ANKS1B: variants seen among roughly 807,000 people sequenced by gnomAD.
ANKS1B encodes the protein ankyrin repeat and sterile alpha motif domain containing 1B.
A neutral mutation model predicts 148.3 loss-of-function variants in ANKS1B; 36 were observed. That is an observed-to-expected ratio of 0.24 (90% CI 0.19 to 0.32). The LOEUF is 0.32. ANKS1B is among the 10% of genes least tolerant of loss of function. The probability of loss-of-function intolerance (pLI) is 1.00; values close to 1 mark genes in which losing one functional copy is unlikely to be tolerated. For missense variants in ANKS1B, 1,157 were observed against 1,542.6 expected, an observed-to-expected ratio of 0.75 and a Z score of 4.19; for synonymous variants, 542 against 560.8, an observed-to-expected ratio of 0.97 and a Z score of 0.47.
At chr12:99,024,578 T>C (rs925675528) in intron 17 of ANKS1B, among the ~76,000 whole-genome samples, 13 of 152,358 alleles carry the variant, frequency 8.5e-5, no homozygotes, top group African/African-American at 2.9e-4. Context: ...ATATTTTGCA[T>C]CTTTTGCTGA....
At chr12:99,645,293 C>T (rs1038366601) in intron 9 of ANKS1B, among the ~76,000 whole-genome samples, 36 of 152,100 alleles carry the variant, frequency 2.4e-4, no homozygotes, top group African/African-American at 5.1e-4. Flanking sequence ...TTTGGGAAGA[C>T]GAAATTTAGC....
chr12:99,855,332 A>G (rs1276915456), intron 1 of ANKS1B, among the ~76,000 whole-genome samples: 2 of 152,164 alleles, frequency 1.3e-5, no homozygotes, highest in African/African-American at 4.8e-5. Flanking sequence ...TTATATATTG[A>G]TAAAAGAACT....
intron 17 of ANKS1B, among the ~76,000 whole-genome samples, chr12:98,962,214 A>G (rs2099872615): frequency 6.6e-6 from 1 of 151,782 alleles, no homozygotes; most frequent in Non-Finnish European, 1.5e-5. Flanking sequence ...AGACACACAT[A>G]GACTGAAAAT....
At chr12:99,327,045 A>G (rs895076117) in intron 12 of ANKS1B, among the ~76,000 whole-genome samples, 14 of 136,460 alleles carry the variant, frequency 1.0e-4, no homozygotes, top group Non-Finnish European at 1.7e-4. Flanking sequence ...ATATATTTAT[A>G]TACAATTATA....
chr12:98,873,990 G>A (rs537104461), intron 17 of ANKS1B, among the ~76,000 whole-genome samples: 1 of 152,280 alleles, frequency 6.6e-6, no homozygotes, highest in Admixed American at 6.5e-5. Context: ...TGATGATGGA[G>A]TCAGGATGAC....
At chr12:99,029,542 T>C (rs1393713041) in intron 17 of ANKS1B, among the ~76,000 whole-genome samples, 1 of 152,176 alleles carries the variant, frequency 6.6e-6, no homozygotes, top group Non-Finnish European at 1.5e-5. Flanking sequence ...CAATCTACAG[T>C]GAAGTACTTG....
chr12:98,962,100 T>C (rs1016717662), intron 17 of ANKS1B, among the ~76,000 whole-genome samples: 1 of 149,788 alleles, frequency 6.7e-6, no homozygotes, highest in African/African-American at 2.5e-5. Context: ...TGAATGTAAA[T>C]GAACTAAACT....
At chr12:98,914,533 C>T (rs913932453) in intron 17 of ANKS1B, among the ~76,000 whole-genome samples, 2 of 152,080 alleles carry the variant, frequency 1.3e-5, no homozygotes, top group African/African-American at 4.8e-5. Context: ...TCTCTAGGAG[C>T]CTTGATATTC....
intron 22 of ANKS1B, among the ~76,000 whole-genome samples, chr12:98,797,095 T>A (rs1386707685): frequency 6.6e-6 from 1 of 152,230 alleles, no homozygotes; most frequent in African/African-American, 2.4e-5. Context: ...AAAATTATTA[T>A]GAGGCTTGAT....
intron 22 of ANKS1B, among the ~76,000 whole-genome samples, chr12:98,790,141 A>C (rs2098834793): frequency 1.3e-5 from 2 of 152,182 alleles, no homozygotes; most frequent in Non-Finnish European, 2.9e-5. Context: ...GTGTGAAAAA[A>C]CACACTGTTT....
intron 15 of ANKS1B, among the ~76,000 whole-genome samples, chr12:99,109,954 T>C (rs1169099388): frequency 6.6e-6 from 1 of 152,022 alleles, no homozygotes; most frequent in Admixed American, 6.6e-5. Flanking sequence ...TGGCCAAAAC[T>C]CAACATAGGC....
At chr12:99,529,098 CCAAGAATAATCTCTGTAAT>C (rs1429861403) in intron 9 of ANKS1B, among the ~76,000 whole-genome samples, 3 of 151,904 alleles carry the variant, frequency 2.0e-5, no homozygotes, top group African/African-American at 7.3e-5. Context: ...TGGTGAAATC[CCAAGAATAATCTCTGTAAT>C]GAATCATACA....
rs141743726 is a variant in ANKS1B at position 98,804,892 on chromosome 12, T to G, written c.3141+2952A>C. ...TTAGTAATTTTCCACTTAAAAATCC[T>G]TATTAAATATTAAATAACAGACCTA... On this transcript the variant is annotated intron_variant, in intron 20 of 26. Coordinates refer to ENST00000683438, the MANE Select transcript of ANKS1B (RefSeq NM_001352186.2). Among the ~76,000 whole-genome samples, 41 of 152,332 alleles carry G rather than the reference T, an allele frequency of 2.7e-4. No homozygotes were observed. The East Asian group carries it at 6.2e-3, about 23-fold the overall frequency.
chr12:99,515,209 A>G (rs2096804827), intron 9 of ANKS1B, among the ~76,000 whole-genome samples: 1 of 152,022 alleles, frequency 6.6e-6, no homozygotes. Context: ...TAAAATATAC[A>G]ATTAAATTGT....
At chr12:99,089,972 G>C (rs2053478526) in intron 15 of ANKS1B, among the ~76,000 whole-genome samples, 1 of 152,196 alleles carries the variant, frequency 6.6e-6, no homozygotes, top group African/African-American at 2.4e-5. Flanking sequence ...TGCCTGTCAA[G>C]AAATGTCTAA....
At chr12:99,788,959 C>T (rs977913673) in intron 4 of ANKS1B, among the ~76,000 whole-genome samples, 4 of 152,094 alleles carry the variant, frequency 2.6e-5, no homozygotes, top group Admixed American at 6.5e-5. Context: ...ATTAGAACAT[C>T]AGGTAAACTG....
At chr12:99,175,592 C>T (rs1226446083) in intron 14 of ANKS1B, among the ~76,000 whole-genome samples, 1 of 152,144 alleles carries the variant, frequency 6.6e-6, no homozygotes, top group Admixed American at 6.5e-5. Flanking sequence ...AAATTATATG[C>T]TACTGATAAG....
chr12:98,972,374 T>G (rs2099883928), intron 17 of ANKS1B, among the ~76,000 whole-genome samples: 1 of 152,194 alleles, frequency 6.6e-6, no homozygotes, highest in Non-Finnish European at 1.5e-5. Context: ...TTTATCTGTA[T>G]TAGTCGGATT....
At chr12:99,486,973 G>C (rs1024625340) in intron 10 of ANKS1B, among the ~76,000 whole-genome samples, 1 of 152,140 alleles carries the variant, frequency 6.6e-6, no homozygotes, top group East Asian at 1.9e-4. Context: ...CCCCAACTGT[G>C]CCTGCCATGG....
Sources: gnomAD v4.1 joint callset for allele counts (sites outside exome capture counted in the v4.1 genomes callset) on GRCh38, gnomAD v4.1.1 for gene constraint, MANE v1.5 for transcripts, NCBI Gene and HGNC (gene_info 2026-07-23, HGNC 2026-07-21) for gene names.